The following AP5S1 variants were observed in gnomAD, a reference collection of about 807,000 sequenced individuals.
AP5S1 encodes the protein adaptor related protein complex 5 subunit sigma 1.
In AP5S1, 13 loss-of-function variants were observed where a neutral mutation model predicts 13.9. The observed-to-expected ratio is 0.94, with a 90% CI of 0.61 to 1.49. AP5S1 has a LOEUF of 1.49. AP5S1 is among the 40% of genes most tolerant of loss of function. AP5S1 has a pLI of 0.00. For missense variants in AP5S1, 292 were observed against 272.3 expected, an observed-to-expected ratio of 1.07 and a Z score of -0.51; for synonymous variants, 132 against 121.8, an observed-to-expected ratio of 1.08 and a Z score of -0.55.
chr20:3,822,026 G>A, intron 1 of AP5S1, 76 bp from the exon 2 acceptor site: 1 of 1,516,544 alleles, frequency 6.6e-7, no homozygotes, highest in Non-Finnish European at 8.9e-7. Flanking sequence ...GACACTGCCA[G>A]GTCAGCCCCT....
In AP5S1 at chr20:3,827,058, C is replaced by T. The variant is rs559350752; in HGVS notation, c.*2761C>T. 3 of 152,392 alleles carry T rather than the reference C, an allele frequency of 2.0e-5. No individual in the cohort carries two copies. Among genetic ancestry groups the T allele is most frequent in the Non-Finnish European group, 4.4e-5 (3 of 68,070 alleles). 9.4% of individuals were successfully genotyped at this position (152,392 alleles called of 1,614,324 possible). A position where few individuals can be genotyped will look rare whatever the true frequency, so the allele number is the denominator to read the frequency against. ...GCTATGGAAGCAAACTTGCCTCCCT[C>T]TCCAAGCCTCTTCCCTTTCTTCTCC... On this transcript the variant is annotated 3_prime_UTR_variant, in exon 3 of 3. Transcript: ENST00000615891.
intron 2 of AP5S1, among the ~76,000 whole-genome samples, chr20:3,823,342 G>T (rs1437555861): frequency 6.6e-6 from 1 of 152,124 alleles, no homozygotes; most frequent in Non-Finnish European, 1.5e-5. Flanking sequence ...TCCGCCTCCT[G>T]GGTTCATGCC....
intron 2 of AP5S1, among the ~76,000 whole-genome samples, chr20:3,822,998 T>A (rs1003278205): frequency 1.8e-4 from 28 of 151,912 alleles, no homozygotes; most frequent in Non-Finnish European, 3.8e-4. Context: ...GGCAACCTTC[T>A]GCCAACTCCT....
chr20:3,823,985 T>A lies in AP5S1; in HGVS notation c.291T>A (p.Ala97=). Residue 97 remains alanine, a synonymous_variant, in exon 3 of 3, where the codon GCT becomes GCA. Coordinates refer to ENST00000615891, the MANE Select transcript of AP5S1 (RefSeq NM_018347.3). ...CGCTGCACGAGGCCCCACGTGGGGCTTTCCGCCTGGCAGCAGAGAACCCTT... is the reference window on the plus strand; with the variant it reads ...CGCTGCACGAGGCCCCACGTGGGGCATTCCGCCTGGCAGCAGAGAACCCTT... ...QVPLHEAPRG[A]FRLAAENPFQ... is the part of the protein sequence containing the mutation. 1 of 1,612,536 alleles carries A rather than the reference T, an allele frequency of 6.2e-7. No individual in the cohort carries two copies. Among genetic ancestry groups the A allele is most frequent in the South Asian group, 1.1e-5 (1 of 91,090 alleles).
At position 3,828,355 on chromosome 20, in the gene AP5S1, T is replaced by G. The variant is rs187595818; in HGVS notation, c.*4058T>G. On this transcript the variant is annotated 3_prime_UTR_variant, in exon 3 of 3. Coordinates refer to ENST00000615891, the MANE Select transcript of AP5S1 (RefSeq NM_018347.3). ...CAGAGTGGTCATTTGTTACAACTGA[T>G]GGACCTTCATTGACACGTCACTATC... The G allele has an allele frequency of 3.9e-5, 6 of 152,338 alleles. No individual in the cohort carries two copies. In the East Asian group the frequency reaches 9.6e-4, roughly 24 times the overall value. 9.4% of individuals were successfully genotyped at this position (152,338 alleles called of 1,614,324 possible).
chr20:3,823,753 G>A (rs2089601525), intron 2 of AP5S1, 118 bp from the exon 3 acceptor site: 1 of 1,512,004 alleles, frequency 6.6e-7, no homozygotes, highest in Admixed American at 2.1e-5. Context: ...GTCTCTCTAG[G>A]CCTCAGTTTT....
At position 3,823,918 on chromosome 20, in the gene AP5S1, C is replaced by T. The variant is rs1211980868; in HGVS notation, c.224C>T (p.Pro75Leu). The T allele has an allele frequency of 6.2e-7, 1 of 1,604,156 alleles. No individual in the cohort carries two copies. Among genetic ancestry groups the T allele is most frequent in the Non-Finnish European group, 8.5e-7 (1 of 1,179,730 alleles). ...CTGCAGCAGCAGGCATCTGGCCGGC[C>T]CCCCATGGACCTGCAGCCGCAATCC... Reference protein sequence around the residue: ...CRLQQQASGRPPMDLQPQSSD... With the variant: ...CRLQQQASGRLPMDLQPQSSD... The change falls in exon 3 of 3, where the codon CCC (proline) becomes CTC (leucine). Residue 75 changes from proline to leucine, a missense_variant. Physicochemically the swap from Pro to Leu is moderately conservative, Grantham distance 98. Coordinates refer to ENST00000615891, the MANE Select transcript of AP5S1 (RefSeq NM_018347.3).
In AP5S1 at chr20:3,822,369, C is replaced by T. The variant is rs142460850; in HGVS notation, c.176+76C>T. On this transcript the variant is annotated intron_variant, in intron 2 of 2. Coordinates refer to ENST00000615891, the MANE Select transcript of AP5S1 (RefSeq NM_018347.3). ...AATAGGTATTTTCGGGGAGTGGGGA[C>T]GCAGAGAAATAGGAGGACTAAGAAG... 402 of 1,440,686 alleles carry T rather than the reference C, an allele frequency of 2.8e-4. 3 individuals are homozygous for T. The African/African-American group carries it at 4.3e-3, about 15-fold the overall frequency. The allele number at this position is 1,440,686 out of a possible 1,614,324, so 89.2% of individuals were successfully genotyped here.
chr20:3,827,942 A>G lies in AP5S1; in HGVS notation c.*3645A>G, dbSNP rs906292088. The G allele has an allele frequency of 1.3e-5, 2 of 151,744 alleles. No individual in the cohort carries two copies. The highest frequency in any genetic ancestry group is 4.8e-5 in the African/African-American group (2 of 41,284). 9.4% of individuals were successfully genotyped at this position (151,744 alleles called of 1,614,324 possible). On this transcript the variant is annotated 3_prime_UTR_variant, in exon 3 of 3. Coordinates refer to ENST00000615891, the MANE Select transcript of AP5S1 (RefSeq NM_018347.3). The stretch of plus-strand genomic sequence containing the variant: ...ATGCCTGGCTAATTTTTGTATCTTT[A>G]GTAGAGACAGGGTTTCACCGTGTTG...
At chr20:3,823,388 A>G (rs1300513123) in intron 2 of AP5S1, 2 of 269,438 alleles carry the variant, frequency 7.4e-6, no homozygotes, top group African/African-American at 4.6e-5. Context: ...AGCTGGGACT[A>G]CAGGCGCCCG....
At position 3,824,546 on chromosome 20, in the gene AP5S1, C is replaced by G. The variant is rs2089611046; in HGVS notation, c.*249C>G. On this transcript the variant is annotated 3_prime_UTR_variant, in exon 3 of 3. Transcript: ENST00000615891. ...ACTTAGACCGCTGCCGTGCGGCAGC[C>G]ACGCTTGTCCTTGAACCCACCTTCC... The G allele has an allele frequency of 1.9e-6, 1 of 539,400 alleles. No individual in the cohort carries two copies. The highest frequency in any genetic ancestry group is 3.3e-6 in the Non-Finnish European group (1 of 302,558). The allele number at this position is 539,400 out of a possible 1,614,324, so 33.4% of individuals were successfully genotyped here. A position where few individuals can be genotyped will look rare whatever the true frequency, so the allele number is the denominator to read the frequency against.
Position 3,821,870 on chromosome 20 carries a change from TC to T in AP5S1, c.-16-231del, listed in dbSNP as rs1474373855. 5 of 948,804 alleles carry T rather than the reference TC, an allele frequency of 5.3e-6. No individual in the cohort carries two copies. The Admixed American group carries it at 3.1e-4, about 59-fold the overall frequency. 58.8% of individuals were successfully genotyped at this position (948,804 alleles called of 1,614,324 possible). ...TTTTTTTTGTTTGTTTGTTTGTTTT[TC>T]TTTTTTCTTTTTTTTTTTTTTTAGT... On this transcript the variant is annotated intron_variant, in intron 1 of 2. Coordinates refer to ENST00000615891, the MANE Select transcript of AP5S1 (RefSeq NM_018347.3).
Position 3,827,222 on chromosome 20 carries a change from C to T in AP5S1, c.*2925C>T. The T allele has an allele frequency of 6.6e-6, 1 of 152,486 alleles. No individual in the cohort carries two copies. The allele number at this position is 152,486 out of a possible 1,614,324, so 9.4% of individuals were successfully genotyped here. ...AGATGATGACAGGAGGGCAGTAGAG[C>T]CCAGAGAAGAGAGCTTACCTGGAAG... On this transcript the variant is annotated 3_prime_UTR_variant, in exon 3 of 3. Transcript: ENST00000615891.
At chr20:3,822,753 T>A (rs2089593394) in intron 2 of AP5S1, among the ~76,000 whole-genome samples, 1 of 152,198 alleles carries the variant, frequency 6.6e-6, no homozygotes, top group African/African-American at 2.4e-5. Context: ...TGCTTTTCAG[T>A]GCAGTACTTA....
rs776993142 is a variant in AP5S1 at position 3,823,870 on chromosome 20, G to A, written c.177-1G>A. ...CAGCCTGACCTGCCCACTCTCCCCA[G>A]GCAGGTAGAGTCAATGTGTCGGCTG... On this transcript the variant is annotated splice_acceptor_variant, in intron 2 of 2. Coordinates refer to ENST00000615891, the MANE Select transcript of AP5S1 (RefSeq NM_018347.3). LOFTEE classifies it high-confidence loss of function. 3 of 1,597,548 alleles carry A rather than the reference G, an allele frequency of 1.9e-6. No homozygotes were observed. Among genetic ancestry groups the A allele is most frequent in the Non-Finnish European group, 2.5e-6 (3 of 1,176,596 alleles).
intron 1 of AP5S1, 135 bp downstream of exon 1, chr20:3,820,893 C>T (rs2089574511): frequency 6.6e-6 from 1 of 152,208 alleles, no homozygotes; most frequent in Non-Finnish European, 1.5e-5. Flanking sequence ...CTCGAAGTGC[C>T]TTTGCGAACC....
In AP5S1 at chr20:3,821,878, CTTTTTT is replaced by C. The variant is rs760765518; in HGVS notation, c.-16-214_-16-209del. ...GTTTGTTTGTTTGTTTTTCTTTTTT[CTTTTTT>C]TTTTTTTTTAGTTTATGCCTATTCT... On this transcript the variant is annotated intron_variant, in intron 1 of 2. Transcript: ENST00000615891. 5.1e-3 allele frequency: 4,250 copies of C among 829,118 alleles called. 147 individuals carry two copies. The African/African-American group carries it at 0.077, about 15-fold the overall frequency. The allele number at this position is 829,118 out of a possible 1,614,324, so 51.4% of individuals were successfully genotyped here.
chr20:3,824,036 G>T lies in AP5S1; in HGVS notation c.342G>T (p.Trp114Cys), dbSNP rs1443941319. 2 of 1,613,602 alleles carry T rather than the reference G, an allele frequency of 1.2e-6. No individual in the cohort carries two copies. The highest frequency in any genetic ancestry group is 1.7e-6 in the Non-Finnish European group (2 of 1,180,030). ...TCCAGGAGCCACGGACGGTGGTGTG[G>T]CTGGGCGTGCTCTCGTTAGGCTTTG... is the stretch of plus-strand genomic sequence containing the variant. Reference protein sequence around the residue: ...NPFQEPRTVVWLGVLSLGFAL... With the variant: ...NPFQEPRTVVCLGVLSLGFAL... Residue 114 changes from tryptophan to cysteine, a missense_variant, in exon 3 of 3, where the codon TGG (tryptophan) becomes TGT (cysteine). Physicochemically the swap from Trp to Cys is radical, Grantham distance 215 (BLOSUM62 -2). Coordinates refer to ENST00000615891, the MANE Select transcript of AP5S1 (RefSeq NM_018347.3).
chr20:3,822,352 T>A, intron 2 of AP5S1, 59 bp downstream of exon 2: 2 of 1,528,112 alleles, frequency 1.3e-6, no homozygotes, highest in Non-Finnish European at 1.8e-6. Flanking sequence ...GTAATAGGTA[T>A]TTTCGGGGAG....
Sources: gnomAD v4.1 joint callset for allele counts (sites outside exome capture counted in the v4.1 genomes callset) on GRCh38, gnomAD v4.1.1 for gene constraint, MANE v1.5 for transcripts, NCBI Gene and HGNC (gene_info 2026-07-23, HGNC 2026-07-21) for gene names.